The following BCL2 variants were observed in gnomAD, a reference collection of about 807,000 sequenced individuals.
The protein encoded by BCL2 is apoptosis regulator Bcl-2.
A neutral mutation model predicts 14.2 loss-of-function variants in BCL2; 1 was observed. That is an observed-to-expected ratio of 0.07 (90% CI 0.02 to 0.33). The LOEUF (loss-of-function observed/expected upper bound fraction) is 0.33. Among genes scored for constraint, BCL2 ranks in the 10% least tolerant of loss-of-function variants. The probability of loss-of-function intolerance (pLI) is 0.99; values close to 1 mark genes in which losing one functional copy is unlikely to be tolerated. For synonymous variants in BCL2, 151 were observed against 137.2 expected, an observed-to-expected ratio of 1.10 and a Z score of -0.70; for missense variants, 247 against 305.9, an observed-to-expected ratio of 0.81 and a Z score of 1.44.
At chr18:63,248,555 A>AT (rs1911216262) in intron 2 of BCL2, among the ~76,000 whole-genome samples, 1 of 152,204 alleles carries the variant, frequency 6.6e-6, no homozygotes, top group Non-Finnish European at 1.5e-5. Context: ...TCCTACGTTC[A>AT]TTTTATCTGC....
At chr18:63,303,008 T>C (rs1231613913) in intron 2 of BCL2, among the ~76,000 whole-genome samples, 1 of 152,150 alleles carries the variant, frequency 6.6e-6, no homozygotes, top group African/African-American at 2.4e-5. Flanking sequence ...TAAAAACAGA[T>C]ACATCCTCAT....
At chr18:63,298,270 G>A (rs951822712) in intron 2 of BCL2, among the ~76,000 whole-genome samples, 2 of 152,184 alleles carry the variant, frequency 1.3e-5, no homozygotes, top group Admixed American at 6.5e-5. Flanking sequence ...CAGCTCAGTC[G>A]TGGTTGTAAT....
At chr18:63,187,108 C>T (rs562953187) in intron 2 of BCL2, among the ~76,000 whole-genome samples, 2 of 152,334 alleles carry the variant, frequency 1.3e-5, no homozygotes, top group East Asian at 1.9e-4. Flanking sequence ...CTACACAAGT[C>T]CCTACAGTTT....
In BCL2 at chr18:63,246,726, T is replaced by C. The variant is rs117926413; in HGVS notation, c.585+71356A>G. ...ATCCATTTTGTTGTCTGCCACGTTC[T>C]TATTTTTCGGTTTTACTTATTGCCC... On this transcript the variant is annotated intron_variant, in intron 2 of 2. Transcript: ENST00000333681. Among the ~76,000 whole-genome samples, 967 of 152,336 alleles carry C rather than the reference T, an allele frequency of 6.3e-3. 2 individuals carry two copies. The highest frequency in any genetic ancestry group is 0.011 in the Non-Finnish European group (735 of 68,042).
chr18:63,234,653 C>T (rs1055631629), intron 2 of BCL2, among the ~76,000 whole-genome samples: 1 of 152,166 alleles, frequency 6.6e-6, no homozygotes, highest in African/African-American at 2.4e-5. Context: ...TGGGGATACT[C>T]ATAGTAGTTA....
intron 2 of BCL2, among the ~76,000 whole-genome samples, chr18:63,156,350 T>C (rs530326501): frequency 6.6e-6 from 1 of 152,290 alleles, no homozygotes; most frequent in East Asian, 1.9e-4. Flanking sequence ...TAATTCTTTG[T>C]TGTGGGGAGG....
chr18:63,250,275 A>G (rs1292165725), intron 2 of BCL2, among the ~76,000 whole-genome samples: 1 of 152,258 alleles, frequency 6.6e-6, no homozygotes, highest in East Asian at 1.9e-4. Flanking sequence ...ATAGCCTATC[A>G]TTTGTGAATG....
In BCL2 at chr18:63,169,309, TTCCTTCC is replaced by T. The variant is rs1282325922; in HGVS notation, c.586-40557_586-40551del. ...CTTTCTTTCTTTCTTTCTTTCTTTC[TTCCTTCC>T]TTCCTTCTTTCCTTTCCTTCCTTTC... On this transcript the variant is annotated intron_variant, in intron 2 of 2. Transcript: ENST00000333681. Among the ~76,000 whole-genome samples, 47 of 50,158 alleles carry T rather than the reference TTCCTTCC, an allele frequency of 9.4e-4. 2 individuals are homozygous for T. The highest frequency in any genetic ancestry group is 3.1e-3 in the African/African-American group (37 of 11,854). The allele number at this position is 50,158 out of a possible 152,430, so 32.9% of individuals were successfully genotyped here. A position where few individuals can be genotyped will look rare whatever the true frequency, so the allele number is the denominator to read the frequency against.
At chr18:63,145,942 C>G (rs148247739) in intron 2 of BCL2, among the ~76,000 whole-genome samples, 1 of 152,144 alleles carries the variant, frequency 6.6e-6, no homozygotes, top group Non-Finnish European at 1.5e-5. Context: ...TGGCTGGACA[C>G]GGCCCAGGTC....
At chr18:63,196,624 G>A (rs900290538) in intron 2 of BCL2, among the ~76,000 whole-genome samples, 1 of 151,988 alleles carries the variant, frequency 6.6e-6, no homozygotes, top group African/African-American at 2.4e-5. Flanking sequence ...AGAGCTGAAC[G>A]CTGCATGCTG....
At chr18:63,198,481 GAGACACACAC>G (rs958414412) in intron 2 of BCL2, among the ~76,000 whole-genome samples, 8 of 110,012 alleles carry the variant, frequency 7.3e-5, no homozygotes, top group African/African-American at 2.9e-4. Context: ...CACACTGACA[GAGACACACAC>G]AGACACACAT....
chr18:63,175,995 A>C (rs1413119909), intron 2 of BCL2, among the ~76,000 whole-genome samples: 2 of 152,304 alleles, frequency 1.3e-5, no homozygotes, highest in Middle Eastern at 3.4e-3. Context: ...AAGGTGGGTG[A>C]AAATTGTGGA....
At chr18:63,155,651 C>T (rs1287779730) in intron 2 of BCL2, among the ~76,000 whole-genome samples, 1 of 152,022 alleles carries the variant, frequency 6.6e-6, no homozygotes, top group Non-Finnish European at 1.5e-5. Context: ...GACGTTAGAG[C>T]GAGCAGGTGA....
intron 2 of BCL2, among the ~76,000 whole-genome samples, chr18:63,135,492 C>T (rs1914184783): frequency 6.6e-6 from 1 of 152,242 alleles, no homozygotes; most frequent in African/African-American, 2.4e-5. Context: ...ACAGCCACCA[C>T]TTGTCTCACA....
intron 2 of BCL2, among the ~76,000 whole-genome samples, chr18:63,139,017 A>C (rs2144595157): frequency 6.6e-6 from 1 of 152,222 alleles, no homozygotes; most frequent in South Asian, 2.1e-4. Context: ...GCTTGGCCCC[A>C]ACCACCTGCT....
intron 2 of BCL2, among the ~76,000 whole-genome samples, chr18:63,197,521 TG>T (rs1214762912): frequency 1.3e-5 from 2 of 152,128 alleles, no homozygotes; most frequent in Admixed American, 1.3e-4. Context: ...AATCCTCTGG[TG>T]ACAGCTACCT....
chr18:63,186,321 G>A (rs189741105), intron 2 of BCL2, among the ~76,000 whole-genome samples: 62 of 152,218 alleles, frequency 4.1e-4, no homozygotes, highest in East Asian at 7.7e-4. Flanking sequence ...ACCACACAAC[G>A]CTTAATATTT....
At chr18:63,194,040 C>A (rs1909370857) in intron 2 of BCL2, among the ~76,000 whole-genome samples, 1 of 152,198 alleles carries the variant, frequency 6.6e-6, no homozygotes, top group Non-Finnish European at 1.5e-5. Flanking sequence ...TCCTTTAGCT[C>A]TCTGCTCCCA....
intron 1 of BCL2, 68 bp downstream of exon 1, chr18:63,319,106 T>G (rs1276494629): frequency 2.9e-6 from 3 of 1,019,086 alleles, no homozygotes; most frequent in Non-Finnish European, 3.6e-6. Context: ...GAATGCACTT[T>G]AAGTAAAAAA....
Sources: allele counts gnomAD v4.1 joint callset (sites outside exome capture counted in the v4.1 genomes callset), GRCh38; gene constraint gnomAD v4.1.1; transcripts MANE v1.5; gene names NCBI Gene and HGNC (gene_info 2026-07-23, HGNC 2026-07-21).